The following MYB variants were observed in gnomAD, a reference collection of about 807,000 sequenced individuals.
MYB encodes the protein MYB proto-oncogene, transcription factor, also known as transcriptional activator Myb.
MYB carries 28 observed loss-of-function variants against 92.9 expected under a neutral mutation model. That is an observed-to-expected ratio of 0.30 (90% CI 0.22 to 0.41). MYB has a LOEUF of 0.41. MYB is among the 10% of genes least tolerant of loss of function. The pLI, the probability that MYB is intolerant of heterozygous loss-of-function variation, is 1.00. For synonymous variants in MYB, 295 were observed against 329.1 expected (o/e 0.90, Z 1.12); for missense variants, 679 against 929.3 (o/e 0.73, Z 3.50).
chr6:135,186,237 G>T (rs969690489), intron 2 of MYB, among the ~76,000 whole-genome samples: 1 of 151,988 alleles, frequency 6.6e-6, no homozygotes, highest in Admixed American at 6.6e-5. Flanking sequence ...CTCATTTTAG[G>T]CTTCATCTGT....
intron 3 of MYB, among the ~76,000 whole-genome samples, chr6:135,189,055 T>C (rs946775215): frequency 6.6e-6 from 1 of 152,218 alleles, no homozygotes; most frequent in African/African-American, 2.4e-5. Flanking sequence ...TCTGGGCTTT[T>C]GCTCCTGGTC....
intron 15 of MYB, among the ~76,000 whole-genome samples, chr6:135,208,546 GT>G (rs567088347): frequency 5.5e-4 from 74 of 134,602 alleles, no homozygotes; most frequent in South Asian, 1.4e-3. Context: ...TGCCCAGCTA[GT>G]TTTTTTTTTT....
intron 15 of MYB, among the ~76,000 whole-genome samples, chr6:135,213,350 C>G (rs750196702): frequency 5.9e-5 from 9 of 152,156 alleles, no homozygotes; most frequent in Non-Finnish European, 1.2e-4. Flanking sequence ...AAAGGTCTCT[C>G]AGAACTCTAA....
At chr6:135,206,434 A>C (rs973990898) in intron 15 of MYB, among the ~76,000 whole-genome samples, 1 of 151,830 alleles carries the variant, frequency 6.6e-6, no homozygotes, top group Non-Finnish European at 1.5e-5. Context: ...GTGGTGGCTC[A>C]CACCTGTAAT....
At chr6:135,212,101 A>G (rs1271398781) in intron 15 of MYB, among the ~76,000 whole-genome samples, 1 of 151,998 alleles carries the variant, frequency 6.6e-6, no homozygotes, top group Non-Finnish European at 1.5e-5. Context: ...TTTTTCAGAT[A>G]GGTGAAATAG....
chr6:135,188,343 A>G (rs552229967), intron 3 of MYB, among the ~76,000 whole-genome samples: 5 of 152,240 alleles, frequency 3.3e-5, no homozygotes, highest in African/African-American at 1.2e-4. Flanking sequence ...ACATCTAAGC[A>G]GTTACTAAGG....
intron 5 of MYB, 122 bp from the exon 6 acceptor site, chr6:135,192,202 A>G: frequency 1.3e-6 from 1 of 757,398 alleles, no homozygotes; most frequent in Middle Eastern, 2.4e-4. Context: ...AAACAATTAA[A>G]AAGAGAAAAC....
intron 1 of MYB, among the ~76,000 whole-genome samples, chr6:135,183,957 G>A (rs972113522): frequency 6.6e-6 from 1 of 152,200 alleles, no homozygotes; most frequent in South Asian, 2.1e-4. Context: ...ATACAGCTAG[G>A]TGGAGGCTAG....
intron 14 of MYB, among the ~76,000 whole-genome samples, chr6:135,202,175 T>C (rs1381191361): frequency 6.6e-6 from 1 of 152,198 alleles, no homozygotes; most frequent in African/African-American, 2.4e-5. Flanking sequence ...CCAATTGCTT[T>C]GGGTTACTAC....
intron 8 of MYB, chr6:135,195,536 A>G: frequency 1.8e-6 from 1 of 542,458 alleles, no homozygotes; most frequent in South Asian, 3.1e-5. Context: ...AGGTAATCAT[A>G]TAGGTACAAC....
chr6:135,194,930 G>A, intron 8 of MYB: 3 of 1,306,514 alleles, frequency 2.3e-6, no homozygotes, highest in Non-Finnish European at 3.0e-6. Flanking sequence ...AATAACATTA[G>A]CTGCTCTCTT....
At position 135,194,391 on chromosome 6, in the gene MYB, G is replaced by A; in HGVS notation, c.879G>A (p.Lys293=). Residue 293 remains lysine, a synonymous_variant, in exon 8 of 16, where the codon AAG becomes AAA. Coordinates refer to ENST00000341911, the MANE Select transcript of MYB (RefSeq NM_001130173.2). ...ATGATGAAGACCCTGAGAAGGAAAA[G>A]CGAATAAAGGAATTAGAATTGCTCC... ...HYNDEDPEKE[K]RIKELELLLM... The A allele has an allele frequency of 1.2e-6, 2 of 1,613,624 alleles. No individual in the cohort carries two copies. The highest frequency in any genetic ancestry group is 1.7e-6 in the Non-Finnish European group (2 of 1,179,800).
intron 13 of MYB, among the ~76,000 whole-genome samples, chr6:135,201,210 ATT>A (rs41294866): frequency 9.2e-5 from 14 of 151,898 alleles, no homozygotes; most frequent in South Asian, 4.2e-4. Flanking sequence ...AAAGATAAGT[ATT>A]TTTTTTTATA....
intron 9 of MYB, 104 bp from the exon 10 acceptor site, chr6:135,196,857 C>T (rs1583307891): frequency 6.3e-7 from 1 of 1,587,402 alleles, no homozygotes; most frequent in Non-Finnish European, 8.5e-7. Context: ...GCCAAACCAA[C>T]GGGCCTAGTG....
chr6:135,197,240 T>C lies in MYB; in HGVS notation c.1483T>C (p.Cys495Arg). The C allele has an allele frequency of 6.2e-7, 1 of 1,613,836 alleles. No homozygotes were observed. The highest frequency in any genetic ancestry group is 1.3e-5 in the African/African-American group (1 of 75,044). ...GQASPLATGD[C>R]SSFIFADVSS... ...GGCCAGCCCCTTAGCCACTGGAGAC[T>C]GTAGCTCCTTCATATTTGCTGACGT... The change falls in exon 10 of 16, where the codon TGT (cysteine) becomes CGT (arginine). Residue 495 changes from cysteine to arginine, a missense_variant. Physicochemically the swap from Cys to Arg is radical, Grantham distance 180. Coordinates refer to ENST00000341911, the MANE Select transcript of MYB (RefSeq NM_001130173.2).
chr6:135,198,877 C>CT (rs1562379868), intron 10 of MYB, 31 bp from the exon 11 acceptor site: 1 of 1,543,654 alleles, frequency 6.5e-7, no homozygotes, highest in Non-Finnish European at 8.9e-7. Context: ...ACCATCTAAT[C>CT]TAAGTATTTT....
At chr6:135,188,875 A>T (rs1028450063) in intron 3 of MYB, among the ~76,000 whole-genome samples, 2 of 152,126 alleles carry the variant, frequency 1.3e-5, no homozygotes, top group Non-Finnish European at 2.9e-5. Context: ...ATGCAGCTGT[A>T]CCTTATCTTT....
At chr6:135,187,783 G>A (rs747780037) in intron 2 of MYB, 51 bp from the exon 3 acceptor site, 2 of 1,277,906 alleles carry the variant, frequency 1.6e-6, no homozygotes, top group East Asian at 4.7e-5. Context: ...AACTTGAACA[G>A]AGTTATATAG....
At chr6:135,203,113 A>G (rs1778365222) in intron 14 of MYB, 104 bp from the exon 15 acceptor site, 2 of 838,760 alleles carry the variant, frequency 2.4e-6, no homozygotes. Flanking sequence ...TTTTTATGCT[A>G]ATGTGTATCA....
Sources: allele counts gnomAD v4.1 joint callset (sites outside exome capture counted in the v4.1 genomes callset), GRCh38; gene constraint gnomAD v4.1.1; transcripts MANE v1.5; gene names NCBI Gene and HGNC (gene_info 2026-07-23, HGNC 2026-07-21).